Variants in SSH2 observed in about 807,000 individuals in gnomAD.
SSH2 encodes protein phosphatase Slingshot homolog 2.
A neutral mutation model predicts 135.2 loss-of-function variants in SSH2; 37 were observed. The observed-to-expected ratio is 0.27, with a 90% CI of 0.21 to 0.36. The LOEUF is 0.36. Among genes scored for constraint, SSH2 ranks in the 10% least tolerant of loss-of-function variants. The probability of loss-of-function intolerance (pLI) is 1.00; values close to 1 mark genes in which losing one functional copy is unlikely to be tolerated. For missense variants in SSH2, 1,408 were observed against 1,765.3 expected, an observed-to-expected ratio of 0.80 and a Z score of 3.63; for synonymous variants, 628 against 646.2, an observed-to-expected ratio of 0.97 and a Z score of 0.43.
chr17:29,782,506 C>T (rs2041860963), intron 3 of SSH2, among the ~76,000 whole-genome samples: 3 of 152,152 alleles, frequency 2.0e-5, no homozygotes, highest in African/African-American at 7.2e-5. Flanking sequence ...TCATGTTATA[C>T]ATTTTTTCTT....
At chr17:29,855,991 T>G in intron 1 of SSH2, 1 of 377,332 alleles carries the variant, frequency 2.7e-6, no homozygotes, top group Non-Finnish European at 5.2e-6. Flanking sequence ...GTACAGAACA[T>G]TATCAAGGGT....
Position 29,913,349 on chromosome 17 carries a change from T to TTAC in SSH2, c.63+16588_63+16589insGTA, listed in dbSNP as rs1322168133. 4.2e-4 allele frequency among the ~76,000 whole-genome samples: 7 copies of TTAC among 16,612 alleles called. 1 individual carries two copies. The highest frequency in any genetic ancestry group is 6.3e-4 in the Non-Finnish European group (6 of 9,510). The allele number at this position is 16,612 out of a possible 152,430, so 10.9% of individuals were successfully genotyped here. ...AAAAAAAAAAAAAAAAAAAAAAAAA[T>TTAC]ATATATATATATATATATATATATA... On this transcript the variant is annotated intron_variant, in intron 1 of 15. Transcript: ENST00000540801.
chr17:29,836,429 A>T (rs1189028539), intron 2 of SSH2, among the ~76,000 whole-genome samples: 1 of 152,194 alleles, frequency 6.6e-6, no homozygotes, highest in Non-Finnish European at 1.5e-5. Flanking sequence ...TTCATCACTG[A>T]ATACCCATTG....
At chr17:29,911,899 T>C (rs2066772364) in intron 1 of SSH2, among the ~76,000 whole-genome samples, 1 of 152,246 alleles carries the variant, frequency 6.6e-6, no homozygotes, top group Non-Finnish European at 1.5e-5. Context: ...TATAGTTCTT[T>C]AAATCTGTAT....
chr17:29,724,520 C>T (rs1250421884), intron 3 of SSH2, among the ~76,000 whole-genome samples: 1 of 90,236 alleles, frequency 1.1e-5, no homozygotes, highest in Admixed American at 1.3e-4. Flanking sequence ...AAGAGCAAAA[C>T]TCTGTCTCAA....
intron 5 of SSH2, among the ~76,000 whole-genome samples, chr17:29,690,341 G>A (rs931989119): frequency 2.7e-5 from 4 of 150,808 alleles, no homozygotes; most frequent in Non-Finnish European, 5.9e-5. Context: ...GGAGGCGGAG[G>A]TTGTGGTGAG....
chr17:29,655,233 A>T (rs2036734898), intron 12 of SSH2, among the ~76,000 whole-genome samples: 1 of 151,768 alleles, frequency 6.6e-6, no homozygotes, highest in African/African-American at 2.4e-5. Context: ...CCTCCTGAGT[A>T]GCTGGGACTA....
At chr17:29,919,706 TG>T (rs1344929101) in intron 1 of SSH2, among the ~76,000 whole-genome samples, 2 of 151,832 alleles carry the variant, frequency 1.3e-5, no homozygotes, top group Non-Finnish European at 2.9e-5. Context: ...TTTTTTTAAT[TG>T]GAAATACTTT....
At chr17:29,637,255 T>C (rs901814639) in intron 14 of SSH2, among the ~76,000 whole-genome samples, 3 of 152,118 alleles carry the variant, frequency 2.0e-5, no homozygotes, top group African/African-American at 7.2e-5. Flanking sequence ...CATGCCACCA[T>C]GCCTGGCTAA....
chr17:29,832,597 C>A (rs1477358461), intron 2 of SSH2, among the ~76,000 whole-genome samples: 2 of 152,162 alleles, frequency 1.3e-5, no homozygotes, highest in Non-Finnish European at 2.9e-5. Context: ...CACAGGTCCT[C>A]TTGTTACTGA....
At chr17:29,796,350 CT>C in intron 2 of SSH2, among the ~76,000 whole-genome samples, 1 of 151,856 alleles carries the variant, frequency 6.6e-6, no homozygotes, top group Non-Finnish European at 1.5e-5. Context: ...ATTTTCTATA[CT>C]TTTTTTTGAG....
intron 5 of SSH2, among the ~76,000 whole-genome samples, chr17:29,685,892 A>T (rs1247990218): frequency 6.8e-6 from 1 of 147,166 alleles, no homozygotes; most frequent in African/African-American, 2.5e-5. Flanking sequence ...CTTGTTGCTC[A>T]GGCTGGAGTG....
intron 2 of SSH2, among the ~76,000 whole-genome samples, chr17:29,806,240 C>T (rs2042343428): frequency 6.6e-6 from 1 of 152,168 alleles, no homozygotes; most frequent in Admixed American, 6.5e-5. Flanking sequence ...TCATTTGAAC[C>T]ACTCCGGAAT....
chr17:29,888,931 CAAAAAAAAAA>C (rs1175371440), intron 1 of SSH2, among the ~76,000 whole-genome samples: 1 of 42,080 alleles, frequency 2.4e-5, no homozygotes, highest in African/African-American at 1.2e-4. Context: ...GACACTATCT[CAAAAAAAAAA>C]AAAAAAAAAA....
intron 6 of SSH2, among the ~76,000 whole-genome samples, chr17:29,681,752 C>A (rs2037999732): frequency 6.6e-6 from 1 of 152,170 alleles, no homozygotes; most frequent in South Asian, 2.1e-4. Context: ...TTGTACTTGT[C>A]ATAATCTGGG....
At chr17:29,829,085 C>T (rs2042793667) in intron 2 of SSH2, among the ~76,000 whole-genome samples, 1 of 152,158 alleles carries the variant, frequency 6.6e-6, no homozygotes, top group African/African-American at 2.4e-5. Context: ...AGTGCTATTC[C>T]ATGAGCCACA....
rs1204579231 is a variant in SSH2, at chr17:29,630,436, G to C, written c.*405C>G. 1 of 155,574 alleles carries C rather than the reference G, an allele frequency of 6.4e-6. No individual in the cohort carries two copies. Among genetic ancestry groups the C allele is most frequent in the Non-Finnish European group, 1.4e-5 (1 of 70,454 alleles). 9.6% of individuals were successfully genotyped at this position (155,574 alleles called of 1,614,324 possible). The stretch of plus-strand genomic sequence containing the variant: ...CCAAACCATCATCACAAAGGCAGGG[G>C]AACATCTCCAATCCCCAGCTTTATC... On this transcript the variant is annotated 3_prime_UTR_variant, in exon 16 of 16. Coordinates refer to ENST00000540801, the MANE Select transcript of SSH2 (RefSeq NM_001282129.2).
chr17:29,721,964 A>G (rs1457023804), intron 3 of SSH2, among the ~76,000 whole-genome samples: 3 of 152,168 alleles, frequency 2.0e-5, no homozygotes, highest in Non-Finnish European at 4.4e-5. Context: ...TGGGCAGGGT[A>G]ATGTTTCTTG....
chr17:29,651,908 C>T (rs1018434926), intron 12 of SSH2, among the ~76,000 whole-genome samples: 3 of 152,058 alleles, frequency 2.0e-5, no homozygotes, highest in Non-Finnish European at 2.9e-5. Context: ...TCTGGGAGGC[C>T]GAGGTGGGCG....
Sources: gnomAD v4.1 joint callset for allele counts (sites outside exome capture counted in the v4.1 genomes callset) on GRCh38, gnomAD v4.1.1 for gene constraint, MANE v1.5 for transcripts, NCBI Gene and HGNC (gene_info 2026-07-23, HGNC 2026-07-21) for gene names.